Variants in TTC34 observed in about 807,000 individuals in gnomAD.
TTC34 encodes tetratricopeptide repeat domain 34.
TTC34 carries 44 observed loss-of-function variants against 40.7 expected under a neutral mutation model. The ratio of observed to expected loss-of-function variants is 1.08; its 90% CI spans 0.85 to 1.39. The LOEUF (loss-of-function observed/expected upper bound fraction) is 1.39. Among genes scored for constraint, TTC34 ranks in the 40% most tolerant of loss-of-function variants. TTC34 has a pLI of 0.00. For missense variants in TTC34, 884 were observed against 838.0 expected (o/e 1.05, Z -0.68); for synonymous variants, 422 against 398.6 (o/e 1.06, Z -0.70).
exon 9 of TTC34, chr1:2,641,084 A>C: frequency 3.6e-5 from 2 of 55,290 alleles, no homozygotes; most frequent in Non-Finnish European, 6.0e-5. Context: ...CTGGGAAGGG[A>C]GGTATGGGGA....
rs1640713876 is a variant in TTC34, at chr1:2,693,339, C to CCCT, written c.2227-47777_2227-47776insAGG. Among the ~76,000 whole-genome samples the CCCT allele has an allele frequency of 1.0e-3, 107 of 103,404 alleles. 2 individuals are homozygous for CCCT. Among genetic ancestry groups the CCCT allele is most frequent in the Non-Finnish European group, 1.9e-3 (88 of 45,398 alleles). 67.8% of individuals were successfully genotyped at this position (103,404 alleles called of 152,430 possible). On this transcript the variant is annotated intron_variant, in intron 6 of 8. Transcript: ENST00000401095. Reference sequence around the variant, plus strand: ...GAGCCTCTGACAGCCTGGAACAGCACGCACACCCCCAGGTGAGCATGTGAC... The same window carrying CCCT: ...GAGCCTCTGACAGCCTGGAACAGCACCCTGCACACCCCCAGGTGAGCATGTGAC...
intron 3 of TTC34, among the ~76,000 whole-genome samples, chr1:2,788,715 G>A (rs1456123184): frequency 6.6e-6 from 1 of 152,164 alleles, no homozygotes; most frequent in African/African-American, 2.4e-5. Flanking sequence ...AAGTGGCGGC[G>A]CTTCCTGACC....
chr1:2,783,077 C>A (rs1418695555), intron 6 of TTC34, among the ~76,000 whole-genome samples: 2 of 152,202 alleles, frequency 1.3e-5, no homozygotes, highest in Non-Finnish European at 2.9e-5. Context: ...GCAGTTCCTG[C>A]AGAAGAAAGT....
chr1:2,654,615 C>G (rs200332708), intron 6 of TTC34, among the ~76,000 whole-genome samples: 3,771 of 86,606 alleles, frequency 0.044, no homozygotes, highest in South Asian at 0.095. Flanking sequence ...TCCCACACCC[C>G]CAGGTGAGCA....
At chr1:2,772,857 C>A (rs370788669) in intron 6 of TTC34, among the ~76,000 whole-genome samples, 32 of 103,140 alleles carry the variant, frequency 3.1e-4, no homozygotes, top group African/African-American at 1.0e-3. Context: ...CACCCCACAC[C>A]CCTAGATGAG....
chr1:2,677,646 C>T (rs1639958635), intron 6 of TTC34, among the ~76,000 whole-genome samples: 1 of 17,912 alleles, frequency 5.6e-5, no homozygotes, highest in African/African-American at 1.4e-4. Flanking sequence ...GAACAGCACA[C>T]ACACCCCCAG....
chr1:2,750,694 T>A (rs1479988299), intron 6 of TTC34, among the ~76,000 whole-genome samples: 3 of 30,998 alleles, frequency 9.7e-5, no homozygotes, highest in African/African-American at 4.8e-4. Flanking sequence ...CACCCCCAAG[T>A]GAGCATCCGA....
intron 6 of TTC34, among the ~76,000 whole-genome samples, chr1:2,783,241 C>A (rs1203108683): frequency 1.3e-5 from 2 of 152,196 alleles, no homozygotes; most frequent in South Asian, 2.1e-4. Context: ...CTCTCAACAC[C>A]GGGGGCCAGG....
intron 5 of TTC34, among the ~76,000 whole-genome samples, chr1:2,784,739 T>C (rs1643551323): frequency 1.3e-5 from 2 of 152,270 alleles, no homozygotes; most frequent in South Asian, 4.1e-4. Context: ...TAAAAGCTAA[T>C]GATTAATAAT....
At position 2,645,924 on chromosome 1, in the gene TTC34, C is replaced by A. The variant is rs746812055; in HGVS notation, c.2227-361G>T. Among the ~76,000 whole-genome samples, 1 of 152,150 alleles carries A rather than the reference C, an allele frequency of 6.6e-6. No homozygotes were observed. The highest frequency in any genetic ancestry group is 1.5e-5 in the Non-Finnish European group (1 of 68,032). On this transcript the variant is annotated intron_variant, in intron 6 of 8. Transcript: ENST00000401095. The surrounding 1 kb of genome is among the most constrained non-coding windows in gnomAD (Gnocchi z 4.7). ...CGCTCTCCCAGCTTGTAGCTGGCTCCCTCCACGCCTGTCCCTCCCCACAGG... is the reference window on the plus strand; with the variant it reads ...CGCTCTCCCAGCTTGTAGCTGGCTCACTCCACGCCTGTCCCTCCCCACAGG...
intron 6 of TTC34, among the ~76,000 whole-genome samples, chr1:2,687,399 C>T (rs1570817648): frequency 6.6e-6 from 1 of 151,420 alleles, no homozygotes; most frequent in Non-Finnish European, 1.5e-5. Context: ...TGGAACGGCA[C>T]CCACACCCCC....
At chr1:2,659,778 G>A in intron 6 of TTC34, among the ~76,000 whole-genome samples, 1 of 130,884 alleles carries the variant, frequency 7.6e-6, no homozygotes, top group South Asian at 2.8e-4. Flanking sequence ...TCCTGGAGCT[G>A]CACCGACAAC....
At chr1:2,695,693 A>T (rs570214147) in intron 6 of TTC34, among the ~76,000 whole-genome samples, 1,700 of 151,432 alleles carry the variant, frequency 0.011, 27 homozygotes, top group African/African-American at 0.031. Flanking sequence ...TGAGCATCTG[A>T]CAGCCTGGAA....
rs1195016819 is a variant in TTC34 at position 2,749,687 on chromosome 1, C to A, written c.2226+33922G>T. ...CAGCCTGGAGCAGCAACCTGCACACCCAGGTGAGCATCTGACAGTCTGGAA... is the reference window on the plus strand; with the variant it reads ...CAGCCTGGAGCAGCAACCTGCACACACAGGTGAGCATCTGACAGTCTGGAA... On this transcript the variant is annotated intron_variant, in intron 6 of 8. Transcript: ENST00000401095. Among the ~76,000 whole-genome samples, 4 of 85,274 alleles carry A rather than the reference C, an allele frequency of 4.7e-5. 2 individuals are homozygous for A. The highest frequency in any genetic ancestry group is 2.5e-4 in the African/African-American group (4 of 15,980). 55.9% of individuals were successfully genotyped at this position (85,274 alleles called of 152,430 possible). A position where few individuals can be genotyped will look rare whatever the true frequency, so the allele number is the denominator to read the frequency against.
chr1:2,641,661 G>C (rs1274613281), exon 9 of TTC34: 2 of 1,535,410 alleles, frequency 1.3e-6, no homozygotes, highest in South Asian at 1.2e-5. Flanking sequence ...AGGCGACCCT[G>C]ACGGCAGAAG....
chr1:2,750,086 C>A (rs1641265927), intron 6 of TTC34, among the ~76,000 whole-genome samples: 1 of 136,964 alleles, frequency 7.3e-6, no homozygotes, highest in East Asian at 2.3e-4. Flanking sequence ...CAGGCACACC[C>A]CCAGTGAGCA....
rs775934260 is a variant in TTC34 at position 2,787,693 on chromosome 1, C to T, written c.1642G>A (p.Val548Met). The stretch of plus-strand genomic sequence containing the variant: ...ATCAGCAGTGTGGCCAGCTGGTGCA[C>T]GCCGCAGGCGACCCTGTGTGGAGAT... Residue 548 changes from valine (V) to methionine (M), a missense_variant, in exon 4 of 9, where the codon GTG becomes ATG. By Grantham distance (21) the Val-to-Met change is conservative (BLOSUM62 1). Coordinates refer to ENST00000401095, the Ensembl canonical transcript of TTC34. 154 of 1,544,322 alleles carry T rather than the reference C, an allele frequency of 1.0e-4. No homozygotes were observed. The highest frequency in any genetic ancestry group is 1.2e-4 in the Non-Finnish European group (136 of 1,142,794).
chr1:2,755,793 A>G (rs1235821953), intron 6 of TTC34, among the ~76,000 whole-genome samples: 3 of 79,766 alleles, frequency 3.8e-5, no homozygotes, highest in Non-Finnish European at 5.1e-5. Flanking sequence ...CCCCCAGGTG[A>G]GCATCTGATG....
chr1:2,751,758 G>C (rs1376465340), intron 6 of TTC34, among the ~76,000 whole-genome samples: 5 of 108,980 alleles, frequency 4.6e-5, no homozygotes, highest in African/African-American at 1.8e-4. Context: ...TCGTAGAGCA[G>C]CACCCCACAC....
Sources: gnomAD v4.1 joint callset for allele counts (sites outside exome capture counted in the v4.1 genomes callset) on GRCh38, gnomAD v4.1.1 for gene constraint, Gnocchi (gnomAD v3.1) non-coding constraint, MANE v1.5 for transcripts, NCBI Gene and HGNC (gene_info 2026-07-23, HGNC 2026-07-21) for gene names.